Variants in FTO observed in about 807,000 individuals in gnomAD.
FTO encodes the protein alpha-ketoglutarate-dependent dioxygenase FTO.
In FTO, 47 loss-of-function variants were observed where a neutral mutation model predicts 63.9. That is an observed-to-expected ratio of 0.74 (90% CI 0.58 to 0.94). FTO has a LOEUF of 0.94. Ranked by LOEUF, FTO falls within the 40% of genes least tolerant of loss-of-function variation. The pLI is 0.00. For missense variants in FTO, 562 were observed against 618.1 expected, an observed-to-expected ratio of 0.91 and a Z score of 0.96; for synonymous variants, 207 against 224.4, an observed-to-expected ratio of 0.92 and a Z score of 0.69.
intron 8 of FTO, among the ~76,000 whole-genome samples, chr16:53,980,485 A>G (rs552842514): frequency 6.6e-6 from 1 of 152,300 alleles, no homozygotes; most frequent in South Asian, 2.1e-4. Flanking sequence ...CCCCTCTTCA[A>G]TCCTGGGAGA....
In FTO at chr16:53,726,163, C is replaced by T. The variant is rs186367604; in HGVS notation, c.45+21934C>T. 4.9e-4 allele frequency among the ~76,000 whole-genome samples: 47 copies of T among 96,526 alleles called. 1 individual carries two copies. Among genetic ancestry groups the T allele is most frequent in the Admixed American group, 4.2e-3 (44 of 10,410 alleles). 63.3% of individuals were successfully genotyped at this position (96,526 alleles called of 152,430 possible). ...TGGACTCTGAATCATTTGTGGACTACGATTTTATAAACACTCTAAAAAAAT... is the reference window on the plus strand; with the variant it reads ...TGGACTCTGAATCATTTGTGGACTATGATTTTATAAACACTCTAAAAAAAT... On this transcript the variant is annotated intron_variant, in intron 1 of 8. Transcript: ENST00000471389.
chr16:54,019,038 G>T (rs1311638497), intron 8 of FTO, among the ~76,000 whole-genome samples: 1 of 152,150 alleles, frequency 6.6e-6, no homozygotes, highest in Non-Finnish European at 1.5e-5. Flanking sequence ...CTTTTCTTCA[G>T]TTTCTGCCAT....
chr16:54,059,749 C>T (rs763134566), intron 8 of FTO, among the ~76,000 whole-genome samples: 16 of 152,118 alleles, frequency 1.1e-4, no homozygotes, highest in African/African-American at 7.2e-5. Context: ...TTGTTCTTTC[C>T]GGATTTATTA....
At chr16:53,917,185 G>A (rs1288606827) in intron 7 of FTO, among the ~76,000 whole-genome samples, 3 of 152,184 alleles carry the variant, frequency 2.0e-5, no homozygotes, top group Non-Finnish European at 4.4e-5. Context: ...CCTTCACTTG[G>A]AAAATGAGTT....
chr16:53,805,119 A>G (rs1481682203), intron 1 of FTO, among the ~76,000 whole-genome samples: 1 of 152,212 alleles, frequency 6.6e-6, no homozygotes, highest in African/African-American at 2.4e-5. Context: ...CTGACACAAT[A>G]GGATGCATAG....
intron 8 of FTO, among the ~76,000 whole-genome samples, chr16:54,079,393 G>A (rs1487382934): frequency 6.6e-6 from 1 of 152,202 alleles, no homozygotes; most frequent in Admixed American, 6.5e-5. Context: ...CAGGGCTGAA[G>A]CCACAGAAGA....
At chr16:53,709,195 A>G (rs1168407730) in intron 1 of FTO, among the ~76,000 whole-genome samples, 1 of 152,172 alleles carries the variant, frequency 6.6e-6, no homozygotes, top group Non-Finnish European at 1.5e-5. Flanking sequence ...TGCTTATGCT[A>G]TGGACTTTTA....
intron 4 of FTO, among the ~76,000 whole-genome samples, chr16:53,863,463 G>T (rs985787544): frequency 1.3e-5 from 2 of 152,206 alleles, no homozygotes; most frequent in Admixed American, 1.3e-4. Flanking sequence ...TTATAAATTG[G>T]AGTGTGCTTA....
intron 7 of FTO, among the ~76,000 whole-genome samples, chr16:53,918,640 A>G (rs971490700): frequency 6.6e-5 from 10 of 152,206 alleles, no homozygotes; most frequent in African/African-American, 2.4e-4. Flanking sequence ...CAAATTTAAC[A>G]GTTATTTTAT....
Position 54,114,859 on chromosome 16 carries a change from A to G in FTO, c.*2944A>G. On this transcript the variant is annotated 3_prime_UTR_variant, in exon 9 of 9. Coordinates refer to ENST00000471389, the MANE Select transcript of FTO (RefSeq NM_001080432.3). ...GCGGAGGTTGCAGTGAGCCGAGATC[A>G]TGCCACTGCACTCCAGCCTGGGCCA... 6.6e-6 allele frequency: 1 copy of G among 152,616 alleles called. No homozygotes were observed. The highest frequency in any genetic ancestry group is 1.5e-5 in the Non-Finnish European group (1 of 68,276). The allele number at this position is 152,616 out of a possible 1,614,324, so 9.5% of individuals were successfully genotyped here.
intron 1 of FTO, among the ~76,000 whole-genome samples, chr16:53,706,205 A>G (rs1184022894): frequency 6.6e-6 from 1 of 152,214 alleles, no homozygotes; most frequent in African/African-American, 2.4e-5. Context: ...AGAACAAAGT[A>G]TAAGTAGTTG....
chr16:53,807,512 C>A (rs2078404207), intron 1 of FTO, among the ~76,000 whole-genome samples: 1 of 152,140 alleles, frequency 6.6e-6, no homozygotes, highest in African/African-American at 2.4e-5. Context: ...TGGGACAGGT[C>A]TGTTGCTGTT....
intron 8 of FTO, among the ~76,000 whole-genome samples, chr16:54,039,092 G>C (rs1348708534): frequency 1.3e-5 from 2 of 152,144 alleles, no homozygotes; most frequent in African/African-American, 4.8e-5. Flanking sequence ...AGGCAAACTG[G>C]GTTTTCAAGG....
intron 1 of FTO, among the ~76,000 whole-genome samples, chr16:53,722,489 T>A (rs184680753): frequency 5.9e-5 from 9 of 152,300 alleles, no homozygotes; most frequent in Admixed American, 1.3e-4. Flanking sequence ...TAACCTTAAC[T>A]CTTAATCTGC....
chr16:53,983,436 G>C (rs1427673520), intron 8 of FTO, among the ~76,000 whole-genome samples: 2 of 152,042 alleles, frequency 1.3e-5, no homozygotes, highest in African/African-American at 4.8e-5. Context: ...CAAGCATAAA[G>C]ATGTGTGGCA....
At chr16:53,943,300 T>C (rs772238916) in intron 8 of FTO, among the ~76,000 whole-genome samples, 16 of 152,236 alleles carry the variant, frequency 1.1e-4, no homozygotes, top group Non-Finnish European at 1.9e-4. Flanking sequence ...ATTGTTACTG[T>C]CATTATTTGA....
chr16:53,851,102 G>C (rs12596457), intron 4 of FTO, among the ~76,000 whole-genome samples: 32,347 of 151,674 alleles, frequency 0.21, 3,685 homozygotes, highest in East Asian at 0.33. Flanking sequence ...TTCCACTGAC[G>C]CATGCTATCT....
intron 8 of FTO, among the ~76,000 whole-genome samples, chr16:54,077,580 G>A (rs1169805151): frequency 1.3e-5 from 2 of 152,094 alleles, no homozygotes; most frequent in African/African-American, 4.8e-5. Flanking sequence ...CTTAAGACAC[G>A]GGCAGCGGTA....
chr16:54,017,499 C>A (rs1481542523), intron 8 of FTO, among the ~76,000 whole-genome samples: 2 of 152,208 alleles, frequency 1.3e-5, no homozygotes, highest in Admixed American at 6.5e-5. Context: ...CCAGCCCCCA[C>A]CTTGCACTCT....
Sources: allele counts gnomAD v4.1 joint callset (sites outside exome capture counted in the v4.1 genomes callset), GRCh38; gene constraint gnomAD v4.1.1; transcripts MANE v1.5; gene names NCBI Gene and HGNC (gene_info 2026-07-23, HGNC 2026-07-21).